Variants in MAP4K3 observed in about 807,000 individuals in gnomAD.
The protein encoded by MAP4K3 is mitogen-activated protein kinase kinase kinase kinase 3, also known as MAPK/ERK kinase kinase kinase 3.
MAP4K3 carries 94 observed loss-of-function variants against 143.5 expected under a neutral mutation model. The ratio of observed to expected loss-of-function variants is 0.65; its 90% CI spans 0.55 to 0.78. The LOEUF is 0.78. Among genes scored for constraint, MAP4K3 ranks in the 30% least tolerant of loss-of-function variants. MAP4K3 has a pLI of 0.00. For missense variants in MAP4K3, 1,077 were observed against 1,068.1 expected, an observed-to-expected ratio of 1.01 and a Z score of -0.12; for synonymous variants, 416 against 347.2, an observed-to-expected ratio of 1.20 and a Z score of -2.20.
rs761386296 is a variant in MAP4K3 at position 39,337,604 on chromosome 2, C to T, written c.311-23G>A. The T allele has an allele frequency of 3.2e-6, 5 of 1,545,620 alleles. No individual in the cohort carries two copies. In the East Asian group the frequency reaches 9.0e-5, roughly 28 times the overall value. ...TTACTGTAAAAGAAGACAATTAATA[C>T]TCATAAAATTAGTCAACGCATGTTT... On this transcript the variant is annotated intron_variant, in intron 4 of 33. Transcript: ENST00000263881.
At chr2:39,253,885 C>T (rs778924388) in intron 32 of MAP4K3, among the ~76,000 whole-genome samples, 1 of 152,196 alleles carries the variant, frequency 6.6e-6, no homozygotes, top group East Asian at 1.9e-4. Context: ...TGTCACACAG[C>T]TTGGAGTTAA....
intron 1 of MAP4K3, among the ~76,000 whole-genome samples, chr2:39,433,840 T>C (rs754585618): frequency 6.6e-6 from 1 of 151,948 alleles, no homozygotes. Context: ...TATATATGCA[T>C]TGGCCTGAAA....
chr2:39,310,725 T>G lies in MAP4K3; in HGVS notation c.998-1206A>C, dbSNP rs949941776. On this transcript the variant is annotated intron_variant, in intron 13 of 33. Transcript: ENST00000263881. ...TCAATAGTATGTAAGAATTCCCTTT[T>G]CTCTGCATTTTCACCAGCATGTGTT... Among the ~76,000 whole-genome samples, 3 of 152,352 alleles carry G rather than the reference T, an allele frequency of 2.0e-5. No individual in the cohort carries two copies. The East Asian group carries it at 5.8e-4, about 29-fold the overall frequency.
At position 39,260,692 on chromosome 2, in the gene MAP4K3, C is replaced by G. The variant is rs746615160; in HGVS notation, c.2222G>C (p.Gly741Ala). ...GTTGAAGTCTCTACCTCTACTGACA[C>G]CAACACAAACTAAAGGGTACTCCTG... ...PEQEYPLVCV[G>A]VSRGRDFNQV... The change falls in exon 29 of 34, where the codon GGT becomes GCT. Residue 741 changes from glycine (G) to alanine (A), a missense_variant. This residue lies in a region of MAP4K3 where 864 missense variants were observed against 801.2 expected (regional missense o/e 1.08). Coordinates refer to ENST00000263881, the MANE Select transcript of MAP4K3 (RefSeq NM_003618.4). 2 of 1,613,784 alleles carry G rather than the reference C, an allele frequency of 1.2e-6. No homozygotes were observed. Among genetic ancestry groups the G allele is most frequent in the South Asian group, 1.1e-5 (1 of 91,072 alleles).
At chr2:39,278,553 T>G (rs1681375454) in intron 23 of MAP4K3, 67 bp from the exon 24 acceptor site, 1 of 855,422 alleles carries the variant, frequency 1.2e-6, no homozygotes, top group Non-Finnish European at 1.9e-6. Context: ...ATTTCTATAA[T>G]CTAAACTTCC....
At chr2:39,401,046 G>C (rs1416655439) in intron 1 of MAP4K3, among the ~76,000 whole-genome samples, 2 of 152,170 alleles carry the variant, frequency 1.3e-5, no homozygotes, top group South Asian at 4.2e-4. Flanking sequence ...AATTGTCCCG[G>C]CTTATATTCT....
At position 39,258,538 on chromosome 2, in the gene MAP4K3, G is replaced by T; in HGVS notation, c.2358C>A (p.Thr786=). The change falls in exon 30 of 34, where the codon ACC becomes ACA. Residue 786 remains threonine, a synonymous_variant. Transcript: ENST00000263881. ...VTHVTQLERD[T]ILVCLDCCIK... is the part of the protein sequence containing the mutation. ...ACTTACAGTCCAAGCATACAAGGAT[G>T]GTATCTCTCTCCAGTTGGGTTACAT... The T allele has an allele frequency of 6.2e-7, 1 of 1,613,434 alleles. No individual in the cohort carries two copies. Among genetic ancestry groups the T allele is most frequent in the East Asian group, 2.2e-5 (1 of 44,858 alleles).
chr2:39,334,138 T>C (rs980442023), intron 6 of MAP4K3, among the ~76,000 whole-genome samples: 5 of 152,226 alleles, frequency 3.3e-5, no homozygotes, highest in Admixed American at 2.6e-4. Flanking sequence ...ATCCAGTACA[T>C]AAACAACTAG....
chr2:39,402,483 A>T (rs928948943), intron 1 of MAP4K3, among the ~76,000 whole-genome samples: 4 of 152,164 alleles, frequency 2.6e-5, no homozygotes, highest in East Asian at 3.8e-4. Context: ...GAAATATATC[A>T]AAATTTGTGA....
rs1490847044 is a variant in MAP4K3, at chr2:39,361,605, C to T, written c.155-5266G>A. ...AGAATATGTCAAATTAAATTGTGTA[C>T]CTAAGAATAAGCTTTAAAACCCATA... On this transcript the variant is annotated intron_variant, in intron 2 of 33. Coordinates refer to ENST00000263881, the MANE Select transcript of MAP4K3 (RefSeq NM_003618.4). Among the ~76,000 whole-genome samples, 6 of 151,290 alleles carry T rather than the reference C, an allele frequency of 4.0e-5. No individual in the cohort carries two copies. In the East Asian group the frequency reaches 9.7e-4, roughly 25 times the overall value.
chr2:39,353,194 A>T (rs1665507669), intron 3 of MAP4K3, among the ~76,000 whole-genome samples: 1 of 152,164 alleles, frequency 6.6e-6, no homozygotes, highest in Non-Finnish European at 1.5e-5. Context: ...CTCATCTATA[A>T]CCAAGAATGG....
At chr2:39,347,575 T>G (rs1442481854) in intron 3 of MAP4K3, among the ~76,000 whole-genome samples, 1 of 152,098 alleles carries the variant, frequency 6.6e-6, no homozygotes, top group Non-Finnish European at 1.5e-5. Context: ...TGTTATAATT[T>G]ATATTGTAGT....
chr2:39,426,637 A>G (rs774334741), intron 1 of MAP4K3, among the ~76,000 whole-genome samples: 1 of 152,064 alleles, frequency 6.6e-6, no homozygotes, highest in Non-Finnish European at 1.5e-5. Context: ...TGAATCTTGG[A>G]AAGGATGTAT....
intron 1 of MAP4K3, among the ~76,000 whole-genome samples, chr2:39,391,151 C>T (rs1666642103): frequency 6.6e-6 from 1 of 151,478 alleles, no homozygotes; most frequent in Non-Finnish European, 1.5e-5. Flanking sequence ...GTCAGGAGAT[C>T]AAGACCATCC....
At chr2:39,267,351 G>T in intron 26 of MAP4K3, 104 bp from the exon 27 acceptor site, 1 of 830,740 alleles carries the variant, frequency 1.2e-6, no homozygotes, top group Non-Finnish European at 2.0e-6. Flanking sequence ...CAAAACTGGT[G>T]CTGACATACT....
intron 1 of MAP4K3, among the ~76,000 whole-genome samples, chr2:39,413,661 T>C (rs1205325226): frequency 6.6e-6 from 1 of 151,852 alleles, no homozygotes; most frequent in Non-Finnish European, 1.5e-5. Context: ...TCAGAAAAAG[T>C]TGTAAGAGAA....
At chr2:39,325,318 A>G (rs373603697) in intron 12 of MAP4K3, among the ~76,000 whole-genome samples, 200 bp downstream of exon 12, 33 of 152,204 alleles carry the variant, frequency 2.2e-4, no homozygotes, top group African/African-American at 7.5e-4. Context: ...ATAGTCACCT[A>G]TAAGTAGTCA....
chr2:39,286,409 CT>C (rs1290887595), intron 21 of MAP4K3, among the ~76,000 whole-genome samples: 4 of 152,174 alleles, frequency 2.6e-5, no homozygotes, highest in Non-Finnish European at 5.9e-5. Context: ...TTAGGGACCC[CT>C]GATCTATAGT....
chr2:39,280,806 A>C (rs1382623129), intron 22 of MAP4K3, among the ~76,000 whole-genome samples: 1 of 152,214 alleles, frequency 6.6e-6, no homozygotes, highest in African/African-American at 2.4e-5. Context: ...AAACTGAAAC[A>C]GGTATGGCTG....
Sources: gnomAD v4.1 joint callset for allele counts (sites outside exome capture counted in the v4.1 genomes callset) on GRCh38, gnomAD v4.1.1 for gene constraint, gnomAD v4.1.1 regional missense constraint, MANE v1.5 for transcripts, NCBI Gene and HGNC (gene_info 2026-07-23, HGNC 2026-07-21) for gene names.